Variants in ZNF609 observed in about 807,000 individuals in gnomAD.
The protein encoded by ZNF609 is zinc finger protein 609.
In ZNF609, 11 loss-of-function variants were observed where a neutral mutation model predicts 109.5. The ratio of observed to expected loss-of-function variants is 0.10; its 90% CI spans 0.06 to 0.17. ZNF609 has a LOEUF of 0.17. ZNF609 is among the 10% of genes least tolerant of loss of function. ZNF609 has a pLI of 1.00. For synonymous variants in ZNF609, 646 were observed against 662.0 expected, an observed-to-expected ratio of 0.98 and a Z score of 0.37; for missense variants, 1,559 against 1,772.4, an observed-to-expected ratio of 0.88 and a Z score of 2.16.
chr15:64,577,660 T>C (rs2140422630), intron 2 of ZNF609, among the ~76,000 whole-genome samples: 1 of 126,834 alleles, frequency 7.9e-6, no homozygotes, highest in South Asian at 2.3e-4. Context: ...TATGTGTATA[T>C]ATACACATAT....
At chr15:64,548,030 A>T (rs1217295375) in intron 2 of ZNF609, among the ~76,000 whole-genome samples, 1 of 152,254 alleles carries the variant, frequency 6.6e-6, no homozygotes, top group African/African-American at 2.4e-5. Flanking sequence ...GATGAGGATT[A>T]TCTCAAGTTT....
rs753729527 is a variant in ZNF609 at position 64,674,093 on chromosome 15, C to T, written c.1239C>T (p.Ser413=). 1.9e-6 allele frequency: 3 copies of T among 1,614,192 alleles called. No homozygotes were observed. The highest frequency in any genetic ancestry group is 1.7e-6 in the Non-Finnish European group (2 of 1,180,034). ...CCAATAGCAAAGGCCGTCGGGGCAG[C>T]CAGAATTCTTCAGAGCACCGCCCAC... ...AGANSKGRRG[S]QNSSEHRPPA... The change falls in exon 5 of 10, where the codon AGC becomes AGT. Residue 413 remains serine (S), a synonymous_variant. Coordinates refer to ENST00000326648, the MANE Select transcript of ZNF609 (RefSeq NM_015042.2).
At chr15:64,661,695 C>T (rs564381497) in intron 3 of ZNF609, among the ~76,000 whole-genome samples, 2 of 152,256 alleles carry the variant, frequency 1.3e-5, no homozygotes, top group East Asian at 1.9e-4. Flanking sequence ...TATCCTTATT[C>T]TCTAGTACTT....
In ZNF609 at chr15:64,528,867, G is replaced by A; in HGVS notation, c.747+28701G>A. The A allele has an allele frequency of 4.3e-6, 4 of 929,088 alleles. No individual in the cohort carries two copies. The South Asian group carries it at 5.4e-5, about 12-fold the overall frequency. The allele number at this position is 929,088 out of a possible 1,614,324, so 57.6% of individuals were successfully genotyped here. A position where few individuals can be genotyped will look rare whatever the true frequency, so the allele number is the denominator to read the frequency against. The stretch of plus-strand genomic sequence containing the variant: ...TCATTGTAGCCCAGGATGCTCTTGA[G>A]GGGGCCCTCCGATGCCTACTTCACC... On this transcript the variant is annotated intron_variant, in intron 2 of 9. Transcript: ENST00000326648.
intron 2 of ZNF609, among the ~76,000 whole-genome samples, chr15:64,520,987 A>G (rs1451379836): frequency 1.3e-5 from 2 of 152,222 alleles, no homozygotes; most frequent in Non-Finnish European, 2.9e-5. Context: ...TATTTCTGAA[A>G]GTGTTCGCTT....
chr15:64,597,410 T>C (rs1020644915), intron 2 of ZNF609, among the ~76,000 whole-genome samples: 68 of 152,116 alleles, frequency 4.5e-4, no homozygotes, highest in African/African-American at 1.5e-3. Flanking sequence ...TTCTCCTCCT[T>C]CTCCCTCCTT....
rs528326340 is a variant in ZNF609 at position 64,583,033 on chromosome 15, G to A, written c.748-39794G>A. Among the ~76,000 whole-genome samples, 8 of 150,850 alleles carry A rather than the reference G, an allele frequency of 5.3e-5. No homozygotes were observed. In the East Asian group the frequency reaches 1.0e-3, roughly 19 times the overall value. ...TCCAAAGTGCTGGGATTACAGGCAT[G>A]AGCCACCACGCCGGGCCAAGACAAG... On this transcript the variant is annotated intron_variant, in intron 2 of 9. Coordinates refer to ENST00000326648, the MANE Select transcript of ZNF609 (RefSeq NM_015042.2).
At chr15:64,625,517 CA>C (rs112319053) in intron 3 of ZNF609, among the ~76,000 whole-genome samples, 4 of 151,064 alleles carry the variant, frequency 2.6e-5, no homozygotes, top group African/African-American at 9.7e-5. Context: ...AAGGCTGTCT[CA>C]AAAAAAAGAA....
chr15:64,491,675 C>A (rs1415823912), intron 1 of ZNF609, among the ~76,000 whole-genome samples: 1 of 151,868 alleles, frequency 6.6e-6, no homozygotes, highest in Non-Finnish European at 1.5e-5. Context: ...GGTGAAACCC[C>A]ATCCCTCTCA....
intron 3 of ZNF609, among the ~76,000 whole-genome samples, chr15:64,642,329 G>A (rs763576032): frequency 8.5e-5 from 13 of 152,112 alleles, no homozygotes; most frequent in Non-Finnish European, 1.6e-4. Flanking sequence ...AACCACAGGC[G>A]TGTACCACCA....
At chr15:64,606,528 C>T (rs1349392392) in intron 2 of ZNF609, among the ~76,000 whole-genome samples, 2 of 146,406 alleles carry the variant, frequency 1.4e-5, no homozygotes, top group Non-Finnish European at 3.0e-5. Flanking sequence ...CACTGCACTC[C>T]AGCCTGGGCA....
At position 64,674,310 on chromosome 15, in the gene ZNF609, G is replaced by T; in HGVS notation, c.1456G>T (p.Asp486Tyr). The T allele has an allele frequency of 3.1e-6, 5 of 1,614,104 alleles. No individual in the cohort carries two copies. Among genetic ancestry groups the T allele is most frequent in the Non-Finnish European group, 4.2e-6 (5 of 1,180,026 alleles). ...PGTKVEPTVLDRNCPSPVLID... is the reference protein window; with the variant it reads ...PGTKVEPTVLYRNCPSPVLID... Reference sequence around the variant, plus strand: ...GACAAAGGTAGAACCCACTGTTCTGGACAGAAACTGCCCCTCCCCCGTCCT... The same window carrying T: ...GACAAAGGTAGAACCCACTGTTCTGTACAGAAACTGCCCCTCCCCCGTCCT... Residue 486 changes from aspartate to tyrosine, a missense_variant, in exon 5 of 10, where the codon GAC becomes TAC. Physicochemically the swap from Asp to Tyr is radical, Grantham distance 160. Coordinates refer to ENST00000326648, the MANE Select transcript of ZNF609 (RefSeq NM_015042.2).
chr15:64,503,188 C>T (rs185560460), intron 2 of ZNF609: 5 of 152,338 alleles, frequency 3.3e-5, no homozygotes, highest in African/African-American at 1.2e-4. Flanking sequence ...TGGGATCCCA[C>T]TTTTGCTCGA....
intron 2 of ZNF609, among the ~76,000 whole-genome samples, chr15:64,550,736 C>T (rs969749777): frequency 2.7e-4 from 40 of 149,860 alleles, no homozygotes; most frequent in African/African-American, 8.8e-4. Flanking sequence ...CTTGAGAGGC[C>T]GAGACAGGAG....
intron 1 of ZNF609, among the ~76,000 whole-genome samples, chr15:64,485,969 G>T (rs146204202): frequency 4.5e-4 from 68 of 152,198 alleles, no homozygotes; most frequent in African/African-American, 1.5e-3. Context: ...TGTGTTTTCA[G>T]TTCTGTGCAG....
intron 3 of ZNF609, among the ~76,000 whole-genome samples, chr15:64,625,613 G>A (rs1050407461): frequency 3.3e-5 from 5 of 151,922 alleles, no homozygotes; most frequent in African/African-American, 1.2e-4. Flanking sequence ...TAGAGGAGCC[G>A]GGTGCGGTGG....
chr15:64,488,066 A>G (rs1276243157), intron 1 of ZNF609, among the ~76,000 whole-genome samples: 2 of 152,334 alleles, frequency 1.3e-5, no homozygotes, highest in African/African-American at 2.4e-5. Flanking sequence ...GGAAGCAACT[A>G]TGCATGAATG....
chr15:64,461,441 G>A (rs1892939890), intron 1 of ZNF609, among the ~76,000 whole-genome samples: 1 of 152,076 alleles, frequency 6.6e-6, no homozygotes, highest in South Asian at 2.1e-4. Flanking sequence ...CCCCCGGGAG[G>A]GTTTGTGACC....
At chr15:64,576,709 C>T (rs578260670) in intron 2 of ZNF609, among the ~76,000 whole-genome samples, 2 of 149,856 alleles carry the variant, frequency 1.3e-5, no homozygotes, top group South Asian at 4.2e-4. Context: ...GAGACTGAAG[C>T]GAATGGATCA....
Sources: gnomAD v4.1 joint callset for allele counts (sites outside exome capture counted in the v4.1 genomes callset) on GRCh38, gnomAD v4.1.1 for gene constraint, MANE v1.5 for transcripts, NCBI Gene and HGNC (gene_info 2026-07-23, HGNC 2026-07-21) for gene names.